EXOC6B: variants seen among roughly 807,000 people sequenced by gnomAD.
EXOC6B encodes SEC15 homolog B.
EXOC6B carries 54 observed loss-of-function variants against 113.5 expected under a neutral mutation model. The observed-to-expected ratio is 0.48, with a 90% CI of 0.38 to 0.60. The LOEUF (loss-of-function observed/expected upper bound fraction) is 0.60. EXOC6B is among the 20% of genes least tolerant of loss of function. EXOC6B has a pLI of 0.00. For synonymous variants in EXOC6B, 357 were observed against 339.0 expected (o/e 1.05, Z -0.58); for missense variants, 797 against 977.5 (o/e 0.82, Z 2.46).
At chr2:72,671,659 T>C (rs543530320) in intron 6 of EXOC6B, among the ~76,000 whole-genome samples, 3 of 150,334 alleles carry the variant, frequency 2.0e-5, no homozygotes, top group East Asian at 2.0e-4. Flanking sequence ...TATGGTGCCA[T>C]TGCACTCTAG....
At chr2:72,542,752 T>A (rs1220280291) in intron 8 of EXOC6B, among the ~76,000 whole-genome samples, 1 of 152,242 alleles carries the variant, frequency 6.6e-6, no homozygotes, top group East Asian at 1.9e-4. Flanking sequence ...GCTCTGGCTG[T>A]AGTTATTTAT....
chr2:72,680,694 TTGCGAC>T (rs1676635853), intron 6 of EXOC6B, among the ~76,000 whole-genome samples: 1 of 151,926 alleles, frequency 6.6e-6, no homozygotes, highest in Admixed American at 6.6e-5. Context: ...AGCTGAGATC[TTGCGAC>T]TGCACTACGG....
intron 6 of EXOC6B, among the ~76,000 whole-genome samples, chr2:72,586,974 T>C (rs185086984): frequency 1.4e-3 from 212 of 152,236 alleles, no homozygotes; most frequent in African/African-American, 4.9e-3. Flanking sequence ...GGAATGTAAA[T>C]TAATTCAGCC....
intron 20 of EXOC6B, among the ~76,000 whole-genome samples, chr2:72,199,316 G>C (rs990641993): frequency 2.6e-5 from 4 of 152,160 alleles, no homozygotes; most frequent in Admixed American, 6.5e-5. Flanking sequence ...ATGCATACAA[G>C]CAGGCCCAGT....
intron 6 of EXOC6B, among the ~76,000 whole-genome samples, chr2:72,624,906 C>T (rs1259474938): frequency 1.3e-5 from 2 of 152,130 alleles, no homozygotes; most frequent in Non-Finnish European, 2.9e-5. Context: ...TACAAGGTCA[C>T]ATAAATTTCA....
chr2:72,404,953 A>G (rs1010000823), intron 18 of EXOC6B, among the ~76,000 whole-genome samples: 1 of 151,894 alleles, frequency 6.6e-6, no homozygotes, highest in Non-Finnish European at 1.5e-5. Flanking sequence ...GAAGTTAAAA[A>G]CCTTGAAAAA....
chr2:72,389,085 C>G (rs1486007278), intron 18 of EXOC6B, among the ~76,000 whole-genome samples: 1 of 152,028 alleles, frequency 6.6e-6, no homozygotes, highest in Non-Finnish European at 1.5e-5. Flanking sequence ...GGATTTAAAT[C>G]TATTATGTTG....
At chr2:72,647,034 T>G (rs964981061) in intron 6 of EXOC6B, among the ~76,000 whole-genome samples, 2 of 152,114 alleles carry the variant, frequency 1.3e-5, no homozygotes, top group Non-Finnish European at 2.9e-5. Context: ...GATGACATGA[T>G]TGTATATTTA....
intron 11 of EXOC6B, among the ~76,000 whole-genome samples, chr2:72,512,882 T>A (rs1258400391): frequency 6.6e-6 from 1 of 152,038 alleles, no homozygotes; most frequent in Non-Finnish European, 1.5e-5. Flanking sequence ...CAGAACAACG[T>A]CTGACACATA....
chr2:72,630,770 C>T (rs1030838438), intron 6 of EXOC6B, among the ~76,000 whole-genome samples: 14 of 152,130 alleles, frequency 9.2e-5, no homozygotes, highest in African/African-American at 3.4e-4. Flanking sequence ...AACTCTTGAG[C>T]TAGTTAATTA....
intron 18 of EXOC6B, among the ~76,000 whole-genome samples, chr2:72,387,823 C>A (rs1692136421): frequency 6.6e-6 from 1 of 151,802 alleles, no homozygotes; most frequent in Admixed American, 6.6e-5. Context: ...TCATTAATTT[C>A]TGCTCTTATA....
chr2:72,632,688 T>A (rs986341574), intron 6 of EXOC6B, among the ~76,000 whole-genome samples: 8 of 151,064 alleles, frequency 5.3e-5, no homozygotes, highest in African/African-American at 1.9e-4. Flanking sequence ...CTTCTCTCAA[T>A]TTTTTTTTAT....
intron 7 of EXOC6B, among the ~76,000 whole-genome samples, chr2:72,564,525 A>G (rs1704056936): frequency 6.6e-6 from 1 of 152,226 alleles, no homozygotes; most frequent in Admixed American, 6.5e-5. Context: ...AAGAGAAGAC[A>G]ACAAATGATT....
At chr2:72,273,616 T>G (rs1684640121) in intron 20 of EXOC6B, among the ~76,000 whole-genome samples, 1 of 152,076 alleles carries the variant, frequency 6.6e-6, no homozygotes, top group African/African-American at 2.4e-5. Context: ...GAGAAATAAG[T>G]GCCTAAAGGG....
At chr2:72,323,425 G>A (rs1330372773) in intron 20 of EXOC6B, among the ~76,000 whole-genome samples, 1 of 152,140 alleles carries the variant, frequency 6.6e-6, no homozygotes, top group Non-Finnish European at 1.5e-5. Context: ...AAGACAGTGT[G>A]GCAATTCCTC....
chr2:72,531,580 G>A (rs549823726), intron 8 of EXOC6B, among the ~76,000 whole-genome samples: 1 of 152,200 alleles, frequency 6.6e-6, no homozygotes, highest in East Asian at 1.9e-4. Flanking sequence ...AAATATGCAG[G>A]GTATTTTATC....
In EXOC6B at chr2:72,825,939, CT is replaced by C; in HGVS notation, c.-30del. The C allele has an allele frequency of 6.2e-7, 1 of 1,608,054 alleles. No individual in the cohort carries two copies. Among genetic ancestry groups the C allele is most frequent in the Non-Finnish European group, 8.5e-7 (1 of 1,178,818 alleles). On this transcript the variant is annotated 5_prime_UTR_variant, in exon 1 of 22. Transcript: ENST00000272427. This position sits in a 1 kb window ranked among gnomAD's most constrained non-coding sequence, Gnocchi z 4.4. ...CTGGGGGCGCCCCGCAGCGCGTCCC[CT>C]CCGTCGGCTCGGCTCACCTTTTCCC... is the stretch of plus-strand genomic sequence containing the variant.
chr2:72,766,149 T>G (rs767339331), intron 1 of EXOC6B, among the ~76,000 whole-genome samples: 3 of 152,182 alleles, frequency 2.0e-5, no homozygotes, highest in Non-Finnish European at 4.4e-5. Flanking sequence ...TAGTCATCAC[T>G]CCAGGCTCTT....
intron 20 of EXOC6B, among the ~76,000 whole-genome samples, chr2:72,204,068 T>C (rs1362307150): frequency 6.6e-6 from 1 of 152,134 alleles, no homozygotes; most frequent in Non-Finnish European, 1.5e-5. Flanking sequence ...GCAAAGTCCC[T>C]GTCCTTCTTC....
Sources: gnomAD v4.1 joint callset for allele counts (sites outside exome capture counted in the v4.1 genomes callset) on GRCh38, gnomAD v4.1.1 for gene constraint, Gnocchi (gnomAD v3.1) non-coding constraint, MANE v1.5 for transcripts, NCBI Gene and HGNC (gene_info 2026-07-23, HGNC 2026-07-21) for gene names.